Variants in RBMS3 observed in about 807,000 individuals in gnomAD.
RBMS3 encodes RNA binding motif single stranded interacting protein 3, also known as RNA-binding motif, single-stranded-interacting protein 3.
RBMS3 carries 27 observed loss-of-function variants against 66.8 expected under a neutral mutation model. The observed-to-expected ratio is 0.40, with a 90% CI of 0.30 to 0.56. The LOEUF is 0.56. RBMS3 is among the 20% of genes least tolerant of loss of function. The probability of loss-of-function intolerance (pLI) is 0.40; values close to 1 mark genes in which losing one functional copy is unlikely to be tolerated. For missense variants in RBMS3, 513 were observed against 549.5 expected (o/e 0.93, Z 0.66); for synonymous variants, 188 against 183.0 (o/e 1.03, Z -0.22).
chr3:29,763,058 T>C lies in RBMS3; in HGVS notation c.637+69T>C. On this transcript the variant is annotated intron_variant, in intron 6 of 14. Transcript: ENST00000383767. ...AATTGCTCTTATTAGAATAAGTACA[T>C]TGTAAAGCCCTTGTTGATCACTGCA... is the stretch of plus-strand genomic sequence containing the variant. The C allele has an allele frequency of 2.7e-6, 3 of 1,092,060 alleles. No individual in the cohort carries two copies. In the East Asian group the frequency reaches 7.3e-5, roughly 26 times the overall value. The allele number at this position is 1,092,060 out of a possible 1,614,324, so 67.6% of individuals were successfully genotyped here.
At chr3:29,906,901 A>G (rs567997289) in intron 10 of RBMS3, among the ~76,000 whole-genome samples, 50 of 152,276 alleles carry the variant, frequency 3.3e-4, no homozygotes, top group Non-Finnish European at 6.3e-4. Flanking sequence ...AAATGATATC[A>G]GTCAAATGAC....
intron 1 of RBMS3, among the ~76,000 whole-genome samples, chr3:29,372,187 G>A (rs962731755): frequency 1.3e-5 from 2 of 152,280 alleles, no homozygotes; most frequent in East Asian, 3.9e-4. Context: ...GAAATGATCT[G>A]GATGTGGGGA....
intron 4 of RBMS3, among the ~76,000 whole-genome samples, chr3:29,592,407 A>C (rs139589293): frequency 0.017 from 2,598 of 152,328 alleles, 83 homozygotes; most frequent in African/African-American, 0.059. Context: ...ACATGAAAAA[A>C]TGCTCATTAT....
rs563482777 is a variant in RBMS3 at position 29,640,691 on chromosome 3, A to G, written c.399+53486A>G. On this transcript the variant is annotated intron_variant, in intron 4 of 14. Coordinates refer to ENST00000383767, the MANE Select transcript of RBMS3 (RefSeq NM_001003793.3). ...ATCTGTACAATTCTTTCTGCTATCA[A>G]TCATATAGTGGTCCTTGGCATTTTT... is the stretch of plus-strand genomic sequence containing the variant. Among the ~76,000 whole-genome samples, 5 of 151,690 alleles carry G rather than the reference A, an allele frequency of 3.3e-5. No homozygotes were observed. The East Asian group carries it at 8.0e-4, about 24-fold the overall frequency.
chr3:29,899,860 C>A, intron 10 of RBMS3, 105 bp downstream of exon 10: 2 of 1,094,550 alleles, frequency 1.8e-6, no homozygotes, highest in South Asian at 1.5e-5. Flanking sequence ...ATATGTAACT[C>A]GTTCAGGCAG....
At chr3:29,390,536 T>C (rs1043459831) in intron 1 of RBMS3, among the ~76,000 whole-genome samples, 2 of 144,600 alleles carry the variant, frequency 1.4e-5, no homozygotes. Flanking sequence ...AAGAAGCATC[T>C]CCATATCAAA....
intron 1 of RBMS3, among the ~76,000 whole-genome samples, chr3:29,311,171 A>G (rs1276035846): frequency 6.6e-6 from 1 of 151,718 alleles, no homozygotes; most frequent in Admixed American, 6.6e-5. Flanking sequence ...AAAGCTAGAC[A>G]TTATCTTTTA....
At chr3:29,516,078 T>A (rs2044607323) in intron 3 of RBMS3, among the ~76,000 whole-genome samples, 1 of 152,084 alleles carries the variant, frequency 6.6e-6, no homozygotes, top group Admixed American at 6.6e-5. Flanking sequence ...GATTTAGGAA[T>A]GAGAATCAGG....
At chr3:29,624,412 C>T (rs1410295028) in intron 4 of RBMS3, among the ~76,000 whole-genome samples, 1 of 152,028 alleles carries the variant, frequency 6.6e-6, no homozygotes, top group East Asian at 1.9e-4. Flanking sequence ...CTTTGCTATT[C>T]CATCCATATT....
intron 4 of RBMS3, among the ~76,000 whole-genome samples, chr3:29,684,779 T>TACACACACACACACACAC (rs10570309): frequency 1.4e-5 from 2 of 145,660 alleles, no homozygotes; most frequent in African/African-American, 5.2e-5. Context: ...GTTTGTTATG[T>TACACACACACACACACAC]ACACACACAC....
chr3:29,583,396 T>G (rs1392074913), intron 3 of RBMS3, among the ~76,000 whole-genome samples: 1 of 152,194 alleles, frequency 6.6e-6, no homozygotes, highest in Non-Finnish European at 1.5e-5. Context: ...TTATGTGTTC[T>G]TTATAGCCCA....
intron 5 of RBMS3, 94 bp downstream of exon 5, chr3:29,739,971 A>G (rs1463251960): frequency 2.5e-6 from 2 of 787,842 alleles, no homozygotes; most frequent in Non-Finnish European, 3.4e-6. Flanking sequence ...GCAATAGAAT[A>G]TGCAAAAAAA....
intron 12 of RBMS3, among the ~76,000 whole-genome samples, chr3:29,971,442 G>C (rs1697221148): frequency 6.6e-6 from 1 of 151,744 alleles, no homozygotes; most frequent in Non-Finnish European, 1.5e-5. Context: ...AAATATGTTA[G>C]GTATAGGGGA....
intron 3 of RBMS3, among the ~76,000 whole-genome samples, chr3:29,554,953 G>T (rs1170630397): frequency 6.6e-6 from 1 of 152,270 alleles, no homozygotes; most frequent in East Asian, 1.9e-4. Context: ...GCATTGATAT[G>T]AAGCAAGGTA....
At chr3:29,797,231 G>A (rs2057232649) in intron 6 of RBMS3, among the ~76,000 whole-genome samples, 1 of 152,230 alleles carries the variant, frequency 6.6e-6, no homozygotes, top group South Asian at 2.1e-4. Flanking sequence ...ATAACTTGCT[G>A]CAGCTTCTGC....
intron 6 of RBMS3, among the ~76,000 whole-genome samples, chr3:29,798,442 G>T (rs575710826): frequency 6.6e-6 from 1 of 151,764 alleles, no homozygotes; most frequent in East Asian, 1.9e-4. Flanking sequence ...AGGAGAAAGG[G>T]GTGACAAAGT....
chr3:29,744,431 G>A (rs2054783353), intron 5 of RBMS3, among the ~76,000 whole-genome samples: 1 of 152,092 alleles, frequency 6.6e-6, no homozygotes, highest in Non-Finnish European at 1.5e-5. Flanking sequence ...CAACCCAACT[G>A]GTATTAGCTC....
chr3:29,721,089 C>A (rs2053623894), intron 4 of RBMS3, among the ~76,000 whole-genome samples: 2 of 152,086 alleles, frequency 1.3e-5, no homozygotes, highest in Non-Finnish European at 2.9e-5. Context: ...CTGCAAGCGG[C>A]AATTTAGATT....
intron 2 of RBMS3, among the ~76,000 whole-genome samples, chr3:29,487,186 CAG>C (rs145214699): frequency 0.03 from 4,533 of 152,054 alleles, 79 homozygotes; most frequent in Admixed American, 0.041. Context: ...ATTTTCCCAA[CAG>C]AGAGACTCTT....
Sources: gnomAD v4.1 joint callset for allele counts (sites outside exome capture counted in the v4.1 genomes callset) on GRCh38, gnomAD v4.1.1 for gene constraint, MANE v1.5 for transcripts, NCBI Gene and HGNC (gene_info 2026-07-23, HGNC 2026-07-21) for gene names.